Variants in EPB41 observed in about 807,000 individuals in gnomAD.
EPB41 encodes erythrocyte membrane protein band 4.1.
Under a neutral mutation model 108.0 loss-of-function variants are expected in EPB41, and 65 were observed. That is an observed-to-expected ratio of 0.60 (90% CI 0.49 to 0.74). EPB41 has a LOEUF of 0.74. Ranked by LOEUF, EPB41 falls within the 30% of genes least tolerant of loss-of-function variation. The pLI, the probability that EPB41 is intolerant of heterozygous loss-of-function variation, is 0.00. For missense variants in EPB41, 875 were observed against 1,037.0 expected, an observed-to-expected ratio of 0.84 and a Z score of 2.15; for synonymous variants, 336 against 358.9, an observed-to-expected ratio of 0.94 and a Z score of 0.72.
rs775257286 is a variant in EPB41, at chr1:29,115,788, T to C, written c.2586T>C (p.Ala862=). 1.9e-6 allele frequency: 3 copies of C among 1,613,900 alleles called. No individual in the cohort carries two copies. The Admixed American group carries it at 5.0e-5, about 27-fold the overall frequency. The change falls in exon 20 of 21, where the codon GCT becomes GCC. Residue 862 remains alanine (A), a synonymous_variant. Transcript: ENST00000343067. The surrounding 1 kb of genome is among the most constrained non-coding windows in gnomAD (Gnocchi z 4.4). The part of the protein sequence containing the change: ...KVVVHQETEI[A]DE The stretch of plus-strand genomic sequence containing the variant: ...TCGTCCACCAGGAGACCGAGATTGC[T>C]GATGAGTGAGCTCAGGTACTGGGCG...
intron 1 of EPB41, among the ~76,000 whole-genome samples, chr1:28,919,216 T>A (rs1321325321): frequency 6.6e-6 from 1 of 152,266 alleles, no homozygotes. Flanking sequence ...TGATTTTTTA[T>A]TTAAATTGAA....
At chr1:28,985,697 G>A (rs1171544774) in intron 1 of EPB41, 2 of 152,164 alleles carry the variant, frequency 1.3e-5, no homozygotes, top group African/African-American at 2.4e-5. Context: ...TCCAGATAAA[G>A]TTACTTCATT....
intron 14 of EPB41, among the ~76,000 whole-genome samples, chr1:29,059,387 T>A (rs577799119): frequency 6.6e-6 from 1 of 152,320 alleles, no homozygotes; most frequent in East Asian, 1.9e-4. Flanking sequence ...GAGTCAAACC[T>A]ATCTTTTGTA....
At chr1:29,003,246 C>G (rs2096336243) in intron 4 of EPB41, among the ~76,000 whole-genome samples, 1 of 152,212 alleles carries the variant, frequency 6.6e-6, no homozygotes. Context: ...TTCCGCCATT[C>G]TGAAAATACA....
chr1:28,962,499 C>T (rs1373022017), intron 1 of EPB41, among the ~76,000 whole-genome samples: 1 of 152,170 alleles, frequency 6.6e-6, no homozygotes, highest in Non-Finnish European at 1.5e-5. Flanking sequence ...AGTTGTGCCA[C>T]TATCACTACT....
intron 7 of EPB41, among the ~76,000 whole-genome samples, chr1:29,023,683 G>A (rs995845039): frequency 7.3e-5 from 11 of 151,148 alleles, no homozygotes; most frequent in Non-Finnish European, 7.4e-5. Flanking sequence ...GCAAAACTCC[G>A]TCTCAAAAAA....
intron 1 of EPB41, among the ~76,000 whole-genome samples, chr1:28,984,735 G>A (rs1288433203): frequency 6.6e-6 from 1 of 150,560 alleles, no homozygotes; most frequent in Non-Finnish European, 1.5e-5. Flanking sequence ...ATGGCTCACT[G>A]TAGCGTCAGC....
At chr1:29,020,849 G>T (rs530892444) in intron 7 of EPB41, among the ~76,000 whole-genome samples, 17 of 152,182 alleles carry the variant, frequency 1.1e-4, no homozygotes, top group Admixed American at 6.5e-4. Context: ...TGTAGAGATG[G>T]TAGTCTCACC....
intron 2 of EPB41, among the ~76,000 whole-genome samples, chr1:28,988,228 C>T (rs2095915426): frequency 1.3e-5 from 2 of 152,196 alleles, no homozygotes; most frequent in Admixed American, 1.3e-4. Flanking sequence ...CCACTGCATT[C>T]CAGCCTAGGC....
intron 1 of EPB41, among the ~76,000 whole-genome samples, chr1:28,922,446 C>CT (rs1217105391): frequency 2.0e-5 from 3 of 151,198 alleles, no homozygotes; most frequent in South Asian, 4.2e-4. Context: ...TTATTGTTAT[C>CT]TTTTTATCCT....
chr1:28,936,564 C>T (rs867600677), intron 1 of EPB41, among the ~76,000 whole-genome samples: 3 of 152,198 alleles, frequency 2.0e-5, no homozygotes, highest in South Asian at 4.1e-4. Flanking sequence ...TTCCCCATCC[C>T]CCCAGACTCT....
At chr1:28,899,030 C>T (rs890005650) in intron 1 of EPB41, among the ~76,000 whole-genome samples, 1 of 152,156 alleles carries the variant, frequency 6.6e-6, no homozygotes, top group African/African-American at 2.4e-5. Flanking sequence ...ACGCTAGCCA[C>T]CAAGTCCCTT....
chr1:28,932,910 C>CT (rs1263612312), intron 1 of EPB41, among the ~76,000 whole-genome samples: 1 of 151,984 alleles, frequency 6.6e-6, no homozygotes, highest in Non-Finnish European at 1.5e-5. Flanking sequence ...AGAACTAAAG[C>CT]TTTTTTCCAG....
intron 16 of EPB41, among the ~76,000 whole-genome samples, chr1:29,094,225 C>T (rs769557496): frequency 6.6e-6 from 1 of 151,978 alleles, no homozygotes; most frequent in African/African-American, 2.4e-5. Flanking sequence ...ATTTTCATAC[C>T]AGTACACCAT....
chr1:29,097,749 A>G (rs1157043941), intron 16 of EPB41, 58 bp from the exon 17 acceptor site: 26 of 1,591,650 alleles, frequency 1.6e-5, no homozygotes, highest in Non-Finnish European at 2.2e-5. Flanking sequence ...GTGTCAGAAG[A>G]TTACTTCTCC....
intron 15 of EPB41, 81 bp downstream of exon 15, chr1:29,060,565 G>T: frequency 7.6e-7 from 1 of 1,320,662 alleles, no homozygotes; most frequent in South Asian, 1.2e-5. Flanking sequence ...TCTTCATTCT[G>T]TGCTGCATTT....
intron 4 of EPB41, among the ~76,000 whole-genome samples, chr1:29,005,243 G>C (rs891379350): frequency 3.9e-5 from 6 of 152,038 alleles, no homozygotes; most frequent in Non-Finnish European, 7.4e-5. Context: ...GGAGGAAGAG[G>C]GGGTGGGATG....
At chr1:28,993,196 ATATT>A in intron 2 of EPB41, 130 bp from the exon 3 acceptor site, 4 of 722,192 alleles carry the variant, frequency 5.5e-6, no homozygotes, top group Non-Finnish European at 9.4e-6. Context: ...TTATAGAAAA[ATATT>A]TAATATTAAT....
chr1:28,982,044 C>A (rs547118580), intron 1 of EPB41, among the ~76,000 whole-genome samples: 38 of 152,108 alleles, frequency 2.5e-4, no homozygotes, highest in African/African-American at 8.7e-4. Context: ...ATCCCTCCCC[C>A]CTTCCCCACC....
Sources: allele counts gnomAD v4.1 joint callset (sites outside exome capture counted in the v4.1 genomes callset), GRCh38; gene constraint gnomAD v4.1.1; non-coding constraint Gnocchi (gnomAD v3.1); transcripts MANE v1.5; gene names NCBI Gene and HGNC (gene_info 2026-07-23, HGNC 2026-07-21).